Variants in ITGA1 observed in about 807,000 individuals in gnomAD.
ITGA1 encodes the protein integrin alpha-1.
ITGA1 carries 85 observed loss-of-function variants against 145.9 expected under a neutral mutation model. The ratio of observed to expected loss-of-function variants is 0.58; its 90% confidence interval spans 0.49 to 0.70. The LOEUF (loss-of-function observed/expected upper bound fraction) is 0.70. ITGA1 is among the 30% of genes least tolerant of loss of function. ITGA1 has a pLI of 0.00. For synonymous variants in ITGA1, 520 were observed against 495.3 expected, an observed-to-expected ratio of 1.05 and a Z score of -0.66; for missense variants, 1,351 against 1,418.7, an observed-to-expected ratio of 0.95 and a Z score of 0.77.
At chr5:52,945,154 A>G (rs1351705294) in intron 27 of ITGA1, 119 bp downstream of exon 27, 5 of 708,452 alleles carry the variant, frequency 7.1e-6, no homozygotes, top group Non-Finnish European at 9.8e-6. Context: ...GGTAAGTGAC[A>G]GACACTATTT....
chr5:52,820,529 A>AG (rs1554041635), intron 1 of ITGA1, among the ~76,000 whole-genome samples: 12 of 151,452 alleles, frequency 7.9e-5, no homozygotes, highest in Admixed American at 4.6e-4. Context: ...TAATAAAAAA[A>AG]AAAAAGAAAA....
intron 24 of ITGA1, among the ~76,000 whole-genome samples, chr5:52,938,004 G>A (rs745543977): frequency 6.6e-6 from 1 of 152,090 alleles, no homozygotes; most frequent in Non-Finnish European, 1.5e-5. Flanking sequence ...TAAATCCAGA[G>A]TGATCTCATC....
Position 52,955,150 on chromosome 5 carries a change from G to A in ITGA1, c.*2699G>A, listed in dbSNP as rs944971591. 2.8e-5 allele frequency: 3 copies of A among 105,454 alleles called. No homozygotes were observed. Among genetic ancestry groups the A allele is most frequent in the Non-Finnish European group, 6.6e-5 (3 of 45,548 alleles). 6.5% of individuals were successfully genotyped at this position (105,454 alleles called of 1,614,324 possible). A position where few individuals can be genotyped will look rare whatever the true frequency, so the allele number is the denominator to read the frequency against. On this transcript the variant is annotated 3_prime_UTR_variant, in exon 29 of 29. Transcript: ENST00000282588. ...TTGGTAAATTATTTAACAACACACTGTCCAGGAGGGAAAAAAAAAACAGTC... is the reference window on the plus strand; with the variant it reads ...TTGGTAAATTATTTAACAACACACTATCCAGGAGGGAAAAAAAAAACAGTC...
rs137912057 is a variant in ITGA1, at chr5:52,908,918, T to C, written c.1476T>C (p.Ser492=). ...SGEQIGSYFG[S]ILTTTDIDKD... Reference sequence around the variant, plus strand: ...CCTAGATTGGTTCCTACTTTGGCAGTATTTTAACAACAACTGACATTGACA... The same window carrying C: ...CCTAGATTGGTTCCTACTTTGGCAGCATTTTAACAACAACTGACATTGACA... The change falls in exon 13 of 29, where the codon AGT becomes AGC. Residue 492 remains serine, a synonymous_variant. Transcript: ENST00000282588. The C allele has an allele frequency of 6.2e-6, 10 of 1,613,790 alleles. No individual in the cohort carries two copies. In the African/African-American group the frequency reaches 1.2e-4, roughly 19 times the overall value.
chr5:52,874,390 G>C (rs1749832936), intron 6 of ITGA1, among the ~76,000 whole-genome samples: 1 of 151,488 alleles, frequency 6.6e-6, no homozygotes, highest in Non-Finnish European at 1.5e-5. Flanking sequence ...GCATCAACAT[G>C]AGTTTTGGTG....
chr5:52,883,992 C>A (rs1750006123), intron 7 of ITGA1, among the ~76,000 whole-genome samples: 2 of 152,178 alleles, frequency 1.3e-5, no homozygotes, highest in Admixed American at 6.5e-5. Flanking sequence ...TCATTCAATT[C>A]TTTTGTAACC....
At chr5:52,911,100 G>T (rs1369784851) in intron 14 of ITGA1, among the ~76,000 whole-genome samples, 4 of 133,374 alleles carry the variant, frequency 3.0e-5, no homozygotes, top group Non-Finnish European at 6.1e-5. Context: ...TGTATATATA[G>T]TGTATATATA....
intron 14 of ITGA1, among the ~76,000 whole-genome samples, chr5:52,912,953 A>G (rs919949545): frequency 6.6e-5 from 10 of 151,882 alleles, no homozygotes; most frequent in African/African-American, 2.2e-4. Flanking sequence ...TCACCGTGTT[A>G]GCCAGGATGG....
intron 21 of ITGA1, among the ~76,000 whole-genome samples, chr5:52,930,444 T>TA (rs997392263): frequency 1.3e-5 from 2 of 152,172 alleles, no homozygotes; most frequent in African/African-American, 4.8e-5. Context: ...GTAAGGAATA[T>TA]AAAAATTACT....
chr5:52,887,793 C>G (rs1750077459), intron 7 of ITGA1, 22 bp from the exon 8 acceptor site: 2 of 1,601,608 alleles, frequency 1.2e-6, no homozygotes, highest in African/African-American at 2.7e-5. Context: ...ATCAACCTCT[C>G]TTTTGTTTGT....
chr5:52,808,672 C>CTTTTTTT (rs1440077635), intron 1 of ITGA1, among the ~76,000 whole-genome samples: 1 of 42,346 alleles, frequency 2.4e-5, no homozygotes, highest in Non-Finnish European at 4.9e-5. Flanking sequence ...TTCTTTCTTT[C>CTTTTTTT]TTTCTTTTTT....
intron 8 of ITGA1, chr5:52,889,883 G>T (rs1299234148): frequency 7.1e-6 from 1 of 141,214 alleles, no homozygotes; most frequent in Non-Finnish European, 1.5e-5. Context: ...CTTCTTAGAG[G>T]ATTTGGATAT....
intron 14 of ITGA1, among the ~76,000 whole-genome samples, chr5:52,911,972 C>CTATATATAG (rs1182813010): frequency 2.7e-5 from 2 of 73,648 alleles, no homozygotes; most frequent in Admixed American, 1.5e-4. Flanking sequence ...AGTGTATCTA[C>CTATATATAG]TATATATACT....
chr5:52,920,434 A>G lies in ITGA1; in HGVS notation c.2258A>G (p.Lys753Arg), dbSNP rs1466960050. Residue 753 changes from lysine to arginine, a missense_variant, in exon 17 of 29, where the codon AAA becomes AGA. Coordinates refer to ENST00000282588, the MANE Select transcript of ITGA1 (RefSeq NM_181501.2). The part of the protein sequence containing the change: ...RKVQRNITVR[K>R]SECTKHSFYM... ...GTTCAAAGGAACATCACAGTTCGAA[A>G]ATCAGAATGCACTAAGCACTCCTTC... is the stretch of plus-strand genomic sequence containing the variant. 6.2e-7 allele frequency: 1 copy of G among 1,610,182 alleles called. No homozygotes were observed. Among genetic ancestry groups the G allele is most frequent in the Non-Finnish European group, 8.5e-7 (1 of 1,178,530 alleles).
chr5:52,923,789 T>C (rs1750764871), intron 18 of ITGA1, among the ~76,000 whole-genome samples: 4 of 152,236 alleles, frequency 2.6e-5, no homozygotes, highest in Admixed American at 2.6e-4. Context: ...TTGCAGTGTA[T>C]GGTTTAGGTA....
intron 6 of ITGA1, among the ~76,000 whole-genome samples, chr5:52,877,204 A>G (rs536886832): frequency 2.7e-4 from 41 of 152,308 alleles, no homozygotes; most frequent in Middle Eastern, 3.4e-3. Flanking sequence ...CAAGTATGTT[A>G]TAGGATGAAA....
At chr5:52,856,466 G>A (rs1026923355) in intron 2 of ITGA1, among the ~76,000 whole-genome samples, 3 of 152,080 alleles carry the variant, frequency 2.0e-5, no homozygotes, top group Admixed American at 6.6e-5. Context: ...AGGACTTTGA[G>A]GGCCTAACTC....
At chr5:52,825,940 A>G (rs1165791648) in intron 1 of ITGA1, among the ~76,000 whole-genome samples, 1 of 151,738 alleles carries the variant, frequency 6.6e-6, no homozygotes. Context: ...AAAAAAGGAA[A>G]GAAGTTAGTC....
In ITGA1 at chr5:52,800,502, C is replaced by T. The variant is rs565147402; in HGVS notation, c.61+12088C>T. On this transcript the variant is annotated intron_variant, in intron 1 of 28. Coordinates refer to ENST00000282588, the MANE Select transcript of ITGA1 (RefSeq NM_181501.2). ...ACACTTACAACCTCGTGCAGGTGGG[C>T]GACAGCCTGCGCGCCTCCACCATCC... 2.4e-5 allele frequency: 38 copies of T among 1,614,064 alleles called. No individual in the cohort carries two copies. In the South Asian group the frequency reaches 3.8e-4, roughly 16 times the overall value.
Sources: allele counts gnomAD v4.1 joint callset (sites outside exome capture counted in the v4.1 genomes callset), GRCh38; gene constraint gnomAD v4.1.1; transcripts MANE v1.5; gene names NCBI Gene and HGNC (gene_info 2026-07-23, HGNC 2026-07-21).